Variants in CACHD1 observed in about 807,000 individuals in gnomAD.
CACHD1 encodes the protein VWFA and cache domain-containing protein 1.
A neutral mutation model predicts 138.7 loss-of-function variants in CACHD1; 71 were observed. That is an observed-to-expected ratio of 0.51 (90% CI 0.42 to 0.62). CACHD1 has a LOEUF of 0.62. Among genes scored for constraint, CACHD1 ranks in the 20% least tolerant of loss-of-function variants. CACHD1 has a pLI of 0.00. For missense variants in CACHD1, 1,389 were observed against 1,625.3 expected, an observed-to-expected ratio of 0.85 and a Z score of 2.50; for synonymous variants, 578 against 591.5, an observed-to-expected ratio of 0.98 and a Z score of 0.33.
chr1:64,677,311 G>A (rs562406406), intron 22 of CACHD1, among the ~76,000 whole-genome samples: 30 of 152,296 alleles, frequency 2.0e-4, no homozygotes, highest in African/African-American at 7.0e-4. Context: ...GCAGAACCCA[G>A]TGGTCAAGGC....
intron 3 of CACHD1, among the ~76,000 whole-genome samples, chr1:64,595,660 C>T (rs961156628): frequency 6.6e-6 from 1 of 152,184 alleles, no homozygotes; most frequent in Non-Finnish European, 1.5e-5. Flanking sequence ...CGCCCACTTC[C>T]AATTCACCCT....
intron 5 of CACHD1, 120 bp downstream of exon 5, chr1:64,629,601 C>T: frequency 1.6e-6 from 2 of 1,216,710 alleles, no homozygotes; most frequent in Non-Finnish European, 1.1e-6. Flanking sequence ...GAAATTTGTA[C>T]TTGTTCTGAA....
rs148361170 is a variant in CACHD1, at chr1:64,667,853, A to G, written c.2387+1686A>G. Among the ~76,000 whole-genome samples, 3 of 152,254 alleles carry G rather than the reference A, an allele frequency of 2.0e-5. No individual in the cohort carries two copies. The East Asian group carries it at 5.8e-4, about 29-fold the overall frequency. The stretch of plus-strand genomic sequence containing the variant: ...GAGCCATTTGCTTTTCTGTCTAGAC[A>G]TATTCTTTTTGTTCAAGAGGGCAAG... On this transcript the variant is annotated intron_variant, in intron 16 of 26. Transcript: ENST00000651257.
At chr1:64,667,912 G>A (rs540516192) in intron 16 of CACHD1, among the ~76,000 whole-genome samples, 4 of 152,316 alleles carry the variant, frequency 2.6e-5, no homozygotes, top group African/African-American at 7.2e-5. Context: ...GTGTATGTAC[G>A]TTTACATGTT....
At chr1:64,599,361 G>A (rs1647192069) in intron 3 of CACHD1, among the ~76,000 whole-genome samples, 1 of 152,172 alleles carries the variant, frequency 6.6e-6, no homozygotes, top group African/African-American at 2.4e-5. Context: ...TTAAGAAGCA[G>A]AATGGCATTA....
intron 26 of CACHD1, among the ~76,000 whole-genome samples, chr1:64,686,288 A>G (rs925658757): frequency 3.3e-5 from 5 of 152,226 alleles, no homozygotes; most frequent in African/African-American, 1.2e-4. Context: ...CTCGGCTCTC[A>G]TGGTATGAGT....
At chr1:64,630,306 T>C (rs1329553532) in intron 5 of CACHD1, among the ~76,000 whole-genome samples, 3 of 151,890 alleles carry the variant, frequency 2.0e-5, no homozygotes, top group Non-Finnish European at 4.4e-5. Flanking sequence ...TAAGATTTTT[T>C]TTTTTTTTTT....
At chr1:64,514,037 C>G (rs375067220) in intron 1 of CACHD1, among the ~76,000 whole-genome samples, 1 of 152,190 alleles carries the variant, frequency 6.6e-6, no homozygotes, top group Admixed American at 6.5e-5. Context: ...TCTTAAAAAA[C>G]AATTGGAGGA....
At chr1:64,632,036 G>A (rs1648323600) in intron 5 of CACHD1, among the ~76,000 whole-genome samples, 1 of 152,046 alleles carries the variant, frequency 6.6e-6, no homozygotes, top group Admixed American at 6.5e-5. Context: ...CACTCTGCAA[G>A]TCTGCAGAGG....
intron 1 of CACHD1, among the ~76,000 whole-genome samples, chr1:64,499,270 G>A (rs977863101): frequency 7.9e-5 from 12 of 152,124 alleles, no homozygotes; most frequent in Admixed American, 3.9e-4. Flanking sequence ...TCACCATTGC[G>A]TTAAAGGCAC....
chr1:64,520,843 G>A (rs1228884999), intron 1 of CACHD1, among the ~76,000 whole-genome samples: 1 of 152,150 alleles, frequency 6.6e-6, no homozygotes, highest in Non-Finnish European at 1.5e-5. Flanking sequence ...TCAACTGTGT[G>A]AAATAGAGAC....
At chr1:64,621,184 T>C (rs1454470180) in intron 4 of CACHD1, among the ~76,000 whole-genome samples, 3 of 152,200 alleles carry the variant, frequency 2.0e-5, no homozygotes, top group Non-Finnish European at 4.4e-5. Context: ...CCCTTGCTCA[T>C]CAGTGGTCAC....
rs1178630411 is a variant in CACHD1 at position 64,634,277 on chromosome 1, A to G, written c.1006+17A>G. 4 of 1,585,992 alleles carry G rather than the reference A, an allele frequency of 2.5e-6. No individual in the cohort carries two copies. The East Asian group carries it at 9.0e-5, about 35-fold the overall frequency. Reference sequence around the variant, plus strand: ...TCCAAGCAAGTGAGTGCGTTCTCTCAGAGGACTTAGAGGCATAGTAGATAA... The same window carrying G: ...TCCAAGCAAGTGAGTGCGTTCTCTCGGAGGACTTAGAGGCATAGTAGATAA... On this transcript the variant is annotated intron_variant, in intron 7 of 26. Coordinates refer to ENST00000651257, the MANE Select transcript of CACHD1 (RefSeq NM_020925.4).
At chr1:64,525,075 A>G (rs1268413810) in intron 1 of CACHD1, among the ~76,000 whole-genome samples, 1 of 152,156 alleles carries the variant, frequency 6.6e-6, no homozygotes, top group Non-Finnish European at 1.5e-5. Flanking sequence ...CCAGTGGACC[A>G]TCTCTGTGAA....
chr1:64,593,509 T>C (rs561127951), intron 3 of CACHD1, among the ~76,000 whole-genome samples: 1 of 152,356 alleles, frequency 6.6e-6, no homozygotes, highest in South Asian at 2.1e-4. Flanking sequence ...CAAGGTCAAA[T>C]AATGTGACAA....
chr1:64,653,231 G>A (rs764295212), intron 10 of CACHD1, among the ~76,000 whole-genome samples: 4 of 151,900 alleles, frequency 2.6e-5, no homozygotes, highest in Admixed American at 6.6e-5. Flanking sequence ...GCTACCTAAG[G>A]GTGGAAAGCG....
chr1:64,634,399 TACCTTG>T, intron 7 of CACHD1, 139 bp downstream of exon 7: 1 of 374,764 alleles, frequency 2.7e-6, no homozygotes, highest in South Asian at 7.7e-5. Context: ...TTTATTTATT[TACCTTG>T]AGACAGAGTC....
At chr1:64,591,738 G>T (rs966247644) in intron 3 of CACHD1, among the ~76,000 whole-genome samples, 1 of 152,196 alleles carries the variant, frequency 6.6e-6, no homozygotes, top group Admixed American at 6.5e-5. Context: ...GCAAGAGGAG[G>T]CCTGGACTTG....
chr1:64,586,559 AC>A (rs975167611), intron 3 of CACHD1, among the ~76,000 whole-genome samples: 1 of 152,040 alleles, frequency 6.6e-6, no homozygotes, highest in Non-Finnish European at 1.5e-5. Context: ...TCATATGTGG[AC>A]CTTTGGAAGT....
Sources: allele counts gnomAD v4.1 joint callset (sites outside exome capture counted in the v4.1 genomes callset), GRCh38; gene constraint gnomAD v4.1.1; transcripts MANE v1.5; gene names NCBI Gene and HGNC (gene_info 2026-07-23, HGNC 2026-07-21).